CAMK2G: variants seen among roughly 807,000 people sequenced by gnomAD.
The protein encoded by CAMK2G is calcium/calmodulin dependent protein kinase II gamma, also known as calcium/calmodulin-dependent protein kinase type II subunit gamma.
In CAMK2G, 23 loss-of-function variants were observed where a neutral mutation model predicts 88.7. That is an observed-to-expected ratio of 0.26 (90% confidence interval 0.19 to 0.37). The LOEUF (loss-of-function observed/expected upper bound fraction) is 0.37. Among genes scored for constraint, CAMK2G ranks in the 10% least tolerant of loss-of-function variants. The pLI is 1.00. For missense variants in CAMK2G, 476 were observed against 780.8 expected (o/e 0.61, Z 4.65); for synonymous variants, 263 against 294.8 (o/e 0.89, Z 1.11).
chr10:73,859,018 A>G (rs185979203), intron 3 of CAMK2G, among the ~76,000 whole-genome samples: 8 of 152,342 alleles, frequency 5.3e-5, no homozygotes, highest in African/African-American at 1.7e-4. Flanking sequence ...CTACATGAGG[A>G]CAAATTATCA....
chr10:73,858,188 G>A (rs2135411397), intron 3 of CAMK2G, among the ~76,000 whole-genome samples: 2 of 152,330 alleles, frequency 1.3e-5, no homozygotes, highest in Middle Eastern at 6.8e-3. Context: ...AGCACCAAAT[G>A]CTCCATCTGA....
At chr10:73,828,740 G>A (rs1404844451) in intron 14 of CAMK2G, among the ~76,000 whole-genome samples, 2 of 152,160 alleles carry the variant, frequency 1.3e-5, no homozygotes, top group Non-Finnish European at 2.9e-5. Flanking sequence ...ATTGCATTTT[G>A]CAATTCGTGG....
intron 18 of CAMK2G, among the ~76,000 whole-genome samples, chr10:73,820,486 ATATATATTTT>A (rs1433271999): frequency 0.18 from 9,453 of 51,656 alleles, 286 homozygotes; most frequent in South Asian, 0.29. Context: ...ATATATATAT[ATATATATTTT>A]TTTTTTTTTT....
At position 73,840,670 on chromosome 10, in the gene CAMK2G, G is replaced by A. The variant is rs2093700731; in HGVS notation, c.947-1069C>T. 2.0e-5 allele frequency among the ~76,000 whole-genome samples: 3 copies of A among 152,316 alleles called. No individual in the cohort carries two copies. The South Asian group carries it at 6.2e-4, about 32-fold the overall frequency. The stretch of plus-strand genomic sequence containing the variant: ...AGGATGCCAGTTTCCTGAAATGGAG[G>A]GGGAGGCTGATGTGGAGGCCCGGGG... On this transcript the variant is annotated intron_variant, in intron 12 of 22. Coordinates refer to ENST00000423381, the MANE Select transcript of CAMK2G (RefSeq NM_001367534.1).
chr10:73,827,112 C>G (rs913545706), intron 15 of CAMK2G, among the ~76,000 whole-genome samples: 1 of 152,224 alleles, frequency 6.6e-6, no homozygotes, highest in African/African-American at 2.4e-5. Flanking sequence ...GGCCAAGACC[C>G]TCACAGGGGG....
In CAMK2G at chr10:73,839,413, G is replaced by C. The variant is rs2093567261; in HGVS notation, c.1009+126C>G. ...AGATGCCAAGTTAGGTAGTCTGTCT[G>C]GCATGCCCATCTCAGCCCGCAAGCA... On this transcript the variant is annotated intron_variant, in intron 13 of 22. Transcript: ENST00000423381. This position sits in a 1 kb window ranked among gnomAD's most constrained non-coding sequence, Gnocchi z 4.2. The C allele has an allele frequency of 8.9e-6, 4 of 450,678 alleles. No homozygotes were observed. The allele number at this position is 450,678 out of a possible 1,614,324, so 27.9% of individuals were successfully genotyped here.
chr10:73,831,641 G>A (rs1019094362), intron 14 of CAMK2G, among the ~76,000 whole-genome samples: 16 of 151,418 alleles, frequency 1.1e-4, no homozygotes, highest in African/African-American at 2.4e-4. Context: ...AGGTTGAGGC[G>A]GGCAGATCAC....
At chr10:73,835,877 C>G (rs1425885249) in intron 14 of CAMK2G, among the ~76,000 whole-genome samples, 1 of 152,114 alleles carries the variant, frequency 6.6e-6, no homozygotes, top group Non-Finnish European at 1.5e-5. Context: ...CTCTGTCGCC[C>G]AGGCTGGAGT....
chr10:73,835,860 A>C (rs1393355346), intron 14 of CAMK2G, among the ~76,000 whole-genome samples: 1 of 152,064 alleles, frequency 6.6e-6, no homozygotes. Context: ...TTTCAGACGG[A>C]GTCTTGCTCT....
At chr10:73,823,846 G>C (rs1253785383) in intron 17 of CAMK2G, among the ~76,000 whole-genome samples, 194 bp downstream of exon 17, 1 of 152,212 alleles carries the variant, frequency 6.6e-6, no homozygotes, top group Non-Finnish European at 1.5e-5. Context: ...GACCAGGTCT[G>C]TCTGACTGCA....
chr10:73,833,671 C>A (rs1312040599), intron 14 of CAMK2G, among the ~76,000 whole-genome samples: 1 of 150,990 alleles, frequency 6.6e-6, no homozygotes, highest in African/African-American at 2.4e-5. Flanking sequence ...TCCCAGCTCA[C>A]GGCAACCTCT....
At chr10:73,845,894 C>A (rs1468495277) in intron 10 of CAMK2G, among the ~76,000 whole-genome samples, 1 of 150,522 alleles carries the variant, frequency 6.6e-6, no homozygotes, top group African/African-American at 2.4e-5. Context: ...TAAAAATTTT[C>A]AATTCCCTTC....
intron 2 of CAMK2G, among the ~76,000 whole-genome samples, chr10:73,867,119 G>C (rs1317935694): frequency 2.0e-5 from 3 of 152,168 alleles, no homozygotes; most frequent in Non-Finnish European, 4.4e-5. Flanking sequence ...AACCCCCAAG[G>C]CTCTGTGCAT....
chr10:73,864,887 G>A (rs2461867), intron 2 of CAMK2G, among the ~76,000 whole-genome samples: 1 of 151,934 alleles, frequency 6.6e-6, no homozygotes, highest in African/African-American at 2.4e-5. Context: ...CTTATGATCC[G>A]CCTGCCTCGG....
chr10:73,854,583 A>G (rs1270118561), intron 3 of CAMK2G, among the ~76,000 whole-genome samples: 5 of 152,110 alleles, frequency 3.3e-5, no homozygotes, highest in African/African-American at 1.2e-4. Flanking sequence ...ATGGCCTGAC[A>G]CCAAACTAAC....
rs1429866202 is a variant in CAMK2G, at chr10:73,848,410, T to C, written c.601+116A>G. The stretch of plus-strand genomic sequence containing the variant: ...CCATCCCAGGGGCAAACACCATAAT[T>C]TCACATACACCAGGCACGTGTGTGA... On this transcript the variant is annotated intron_variant, in intron 8 of 22. Coordinates refer to ENST00000423381, the MANE Select transcript of CAMK2G (RefSeq NM_001367534.1). The surrounding 1 kb of genome is among the most constrained non-coding windows in gnomAD (Gnocchi z 4.5). 5.4e-6 allele frequency: 4 copies of C among 745,766 alleles called. No individual in the cohort carries two copies. The highest frequency in any genetic ancestry group is 2.0e-5 in the Admixed American group (1 of 49,006). The allele number at this position is 745,766 out of a possible 1,614,324, so 46.2% of individuals were successfully genotyped here.
intron 22 of CAMK2G, 45 bp downstream of exon 22, chr10:73,814,958 T>A: frequency 7.4e-7 from 1 of 1,352,194 alleles, no homozygotes; most frequent in Non-Finnish European, 1.0e-6. Context: ...TGACCCCACC[T>A]ATCCCAGGCC....
intron 17 of CAMK2G, 124 bp downstream of exon 17, chr10:73,823,916 G>A (rs1168888960): frequency 2.0e-5 from 16 of 782,560 alleles, no homozygotes; most frequent in African/African-American, 1.7e-5. Flanking sequence ...GTGGGCACAG[G>A]CTACCTTCAG....
chr10:73,832,910 G>C (rs1475692396), intron 14 of CAMK2G, among the ~76,000 whole-genome samples: 1 of 150,772 alleles, frequency 6.6e-6, no homozygotes, highest in Non-Finnish European at 1.5e-5. Flanking sequence ...ACGCACCACT[G>C]TGTCTGGCTC....
Sources: gnomAD v4.1 joint callset for allele counts (sites outside exome capture counted in the v4.1 genomes callset) on GRCh38, gnomAD v4.1.1 for gene constraint, Gnocchi (gnomAD v3.1) non-coding constraint, MANE v1.5 for transcripts, NCBI Gene and HGNC (gene_info 2026-07-23, HGNC 2026-07-21) for gene names.